Variants in WDR4 observed in about 807,000 individuals in gnomAD.
The protein encoded by WDR4 is tRNA (guanine-N(7)-)-methyltransferase non-catalytic subunit WDR4.
Under a neutral mutation model 48.6 loss-of-function variants are expected in WDR4, and 47 were observed. The observed-to-expected ratio is 0.97, with a 90% CI of 0.77 to 1.23. The LOEUF (loss-of-function observed/expected upper bound fraction) is 1.23, where lower values mean the gene tolerates loss of function less well. Ranked by LOEUF, WDR4 falls within the 50% of genes most tolerant of loss-of-function variation. The probability of loss-of-function intolerance (pLI) is 0.00; values close to 1 mark genes in which losing one functional copy is unlikely to be tolerated. For synonymous variants in WDR4, 268 were observed against 230.0 expected, an observed-to-expected ratio of 1.17 and a Z score of -1.49; for missense variants, 606 against 551.6, an observed-to-expected ratio of 1.10 and a Z score of -0.99.
At chr21:42,851,872 C>T (rs780141234) in intron 10 of WDR4, among the ~76,000 whole-genome samples, 27 of 152,178 alleles carry the variant, frequency 1.8e-4, no homozygotes, top group Non-Finnish European at 1.3e-4. Context: ...CCTGCACTTA[C>T]TGACGCCCAC....
At chr21:42,866,325 T>A (rs1218496168) in intron 3 of WDR4, among the ~76,000 whole-genome samples, 1 of 152,080 alleles carries the variant, frequency 6.6e-6, no homozygotes, top group Non-Finnish European at 1.5e-5. Flanking sequence ...CTCAAAACCC[T>A]TCAACAGGAA....
chr21:42,861,650 A>G (rs1476035423), intron 5 of WDR4, among the ~76,000 whole-genome samples: 1 of 152,232 alleles, frequency 6.6e-6, no homozygotes, highest in East Asian at 1.9e-4. Flanking sequence ...CTTCTTAAAC[A>G]GGAAATGTTT....
chr21:42,879,601 C>A, upstream of WDR4: 4 of 1,385,744 alleles, frequency 2.9e-6, no homozygotes, highest in Non-Finnish European at 3.0e-6. Flanking sequence ...ACGTATACCC[C>A]ACGTACCGCG....
chr21:42,882,996 GGCTGAGGCAGGACAACC>G (rs2058618050), upstream of WDR4, among the ~76,000 whole-genome samples: 2 of 151,870 alleles, frequency 1.3e-5, no homozygotes, highest in South Asian at 4.1e-4. Flanking sequence ...CTACTTGGGA[GGCTGAGGCAGGACAACC>G]GCTTGAACGT....
chr21:42,887,801 C>T, the WDR4 span, among the ~76,000 whole-genome samples: 32 of 148,304 alleles, frequency 2.2e-4, no homozygotes, highest in Middle Eastern at 3.5e-3. Context: ...GCCTGTAATC[C>T]GAGTTACTCG....
downstream of WDR4, among the ~76,000 whole-genome samples, chr21:42,846,131 TA>T (rs532846843): frequency 6.8e-6 from 1 of 146,558 alleles, no homozygotes; most frequent in East Asian, 2.0e-4. Flanking sequence ...TCTCTAAAAA[TA>T]AAAAAAAAAC....
chr21:42,876,629 T>C (rs2058498053), intron 2 of WDR4, 73 bp downstream of exon 2: 7 of 1,423,502 alleles, frequency 4.9e-6, no homozygotes, highest in South Asian at 2.4e-5. Context: ...AGGACAACAA[T>C]TGCTTCTTAG....
At chr21:42,878,746 G>A (rs1050805868) in intron 1 of WDR4, among the ~76,000 whole-genome samples, 2 of 152,172 alleles carry the variant, frequency 1.3e-5, no homozygotes, top group Non-Finnish European at 2.9e-5. Context: ...ATACACTAAG[G>A]AAGGAGAATA....
chr21:42,872,853 C>A (rs1350875743), intron 3 of WDR4, among the ~76,000 whole-genome samples: 1 of 152,142 alleles, frequency 6.6e-6, no homozygotes, highest in African/African-American at 2.4e-5. Context: ...AGGAGAATCA[C>A]TTGAAGCCGG....
intron 2 of WDR4, 30 bp from the exon 3 acceptor site, chr21:42,873,721 C>T (rs1263623665): frequency 4.4e-6 from 7 of 1,605,078 alleles, no homozygotes; most frequent in Non-Finnish European, 5.1e-6. Context: ...GACGGTTAAG[C>T]TTCACCTAAG....
At chr21:42,878,753 A>G (rs2058558585) in intron 1 of WDR4, among the ~76,000 whole-genome samples, 1 of 152,164 alleles carries the variant, frequency 6.6e-6, no homozygotes, top group South Asian at 2.1e-4. Flanking sequence ...AAGGAAGGAG[A>G]ATAAAATTAC....
chr21:42,879,843 T>C (rs1355610979), upstream of WDR4: 2 of 405,904 alleles, frequency 4.9e-6, no homozygotes, highest in Non-Finnish European at 8.7e-6. Context: ...ACGTAGGACC[T>C]GATGATGGCT....
intron 5 of WDR4, among the ~76,000 whole-genome samples, chr21:42,861,367 G>A (rs1251296742): frequency 6.8e-6 from 1 of 147,926 alleles, no homozygotes; most frequent in Non-Finnish European, 1.5e-5. Context: ...AAGGGAGGGA[G>A]GGAGGGAGCA....
rs111285110 is a variant in WDR4 at position 42,873,741 on chromosome 21, C to T, written c.156-50G>A. ...TTAAGCTTCACCTAAGGAAATAAGGCTGCATTCCTTGTTGGCCAGCGTGGT... is the reference window on the plus strand; with the variant it reads ...TTAAGCTTCACCTAAGGAAATAAGGTTGCATTCCTTGTTGGCCAGCGTGGT... On this transcript the variant is annotated intron_variant, in intron 2 of 10. Coordinates refer to ENST00000398208, the MANE Select transcript of WDR4 (RefSeq NM_018669.6). The T allele has an allele frequency of 4.3e-5, 69 of 1,588,276 alleles. 1 individual carries two copies. The highest frequency in any genetic ancestry group is 3.7e-4 in the African/African-American group (27 of 73,884).
intron 3 of WDR4, among the ~76,000 whole-genome samples, chr21:42,873,257 G>T (rs570121790): frequency 6.6e-6 from 1 of 152,330 alleles, no homozygotes; most frequent in East Asian, 1.9e-4. Flanking sequence ...GTAGGTGGAG[G>T]GACCAGCAGC....
rs1228854282 is a variant in WDR4, at chr21:42,862,571, A to G, written c.454-177T>C. Reference sequence around the variant, plus strand: ...TCCCTACGTCTAATTGGTGGCCCTCATTCTCCCTCCCCAGAGGGTCCCTGG... The same window carrying G: ...TCCCTACGTCTAATTGGTGGCCCTCGTTCTCCCTCCCCAGAGGGTCCCTGG... On this transcript the variant is annotated intron_variant, in intron 4 of 10. Transcript: ENST00000398208. The surrounding 1 kb of genome is among the most constrained non-coding windows in gnomAD (Gnocchi z 4.3). Among the ~76,000 whole-genome samples the G allele has an allele frequency of 2.0e-5, 3 of 151,932 alleles. No individual in the cohort carries two copies. The highest frequency in any genetic ancestry group is 4.4e-5 in the Non-Finnish European group (3 of 67,950).
At chr21:42,864,013 G>A (rs13051544) in intron 3 of WDR4, among the ~76,000 whole-genome samples, 7,227 of 72,754 alleles carry the variant, frequency 0.099, 1,876 homozygotes, top group African/African-American at 0.23. Context: ...AGGCTGAGGC[G>A]GGAGAATGGC....
At chr21:42,860,148 C>T (rs967165940) in intron 5 of WDR4, among the ~76,000 whole-genome samples, 13 of 151,998 alleles carry the variant, frequency 8.6e-5, no homozygotes, top group African/African-American at 2.7e-4. Context: ...CTCAAAGACA[C>T]GGGGGAGACT....
intron 3 of WDR4, among the ~76,000 whole-genome samples, chr21:42,865,460 A>G (rs1230774924): frequency 1.3e-5 from 2 of 151,962 alleles, no homozygotes; most frequent in Non-Finnish European, 2.9e-5. Flanking sequence ...GCCTGGCTGG[A>G]AGGCGTGTGG....
Sources: allele counts gnomAD v4.1 joint callset (sites outside exome capture counted in the v4.1 genomes callset), GRCh38; gene constraint gnomAD v4.1.1; non-coding constraint Gnocchi (gnomAD v3.1); transcripts MANE v1.5; gene names NCBI Gene and HGNC (gene_info 2026-07-23, HGNC 2026-07-21).